GPT2: variants seen among roughly 807,000 people sequenced by gnomAD.
GPT2 encodes glutamic--pyruvic transaminase 2.
A neutral mutation model predicts 56.9 loss-of-function variants in GPT2; 30 were observed. That is an observed-to-expected ratio of 0.53 (90% CI 0.39 to 0.72). The LOEUF (loss-of-function observed/expected upper bound fraction) is 0.72. Among genes scored for constraint, GPT2 ranks in the 30% least tolerant of loss-of-function variants. GPT2 has a pLI of 0.00. For missense variants in GPT2, 542 were observed against 703.4 expected (o/e 0.77, Z 2.60); for synonymous variants, 271 against 283.1 (o/e 0.96, Z 0.43).
intron 8 of GPT2, 106 bp from the exon 9 acceptor site, chr16:46,922,136 C>T: frequency 9.8e-7 from 1 of 1,019,008 alleles, no homozygotes; most frequent in Middle Eastern, 2.1e-4. Context: ...CACACCTGGC[C>T]ATTTGGTGTT....
At chr16:46,926,731 A>G (rs1286670027) in intron 10 of GPT2, among the ~76,000 whole-genome samples, 194 bp from the exon 11 acceptor site, 1 of 152,238 alleles carries the variant, frequency 6.6e-6, no homozygotes, top group Admixed American at 6.5e-5. Context: ...GTCCTGCAGT[A>G]GTTTTCAGGT....
At chr16:46,908,394 G>A (rs1191920258) in intron 5 of GPT2, among the ~76,000 whole-genome samples, 8 of 152,226 alleles carry the variant, frequency 5.3e-5, no homozygotes, top group Admixed American at 3.9e-4. Flanking sequence ...GGGGTGGGGG[G>A]ACTGGTTGCC....
chr16:46,913,369 A>G (rs1428175128), intron 6 of GPT2, among the ~76,000 whole-genome samples: 1 of 152,234 alleles, frequency 6.6e-6, no homozygotes, highest in Non-Finnish European at 1.5e-5. Context: ...CATCACAAGC[A>G]TGGAAGGGCA....
chr16:46,892,507 A>G lies in GPT2; in HGVS notation c.244-5141A>G, dbSNP rs140926870. Among the ~76,000 whole-genome samples the G allele has an allele frequency of 3.5e-3, 536 of 152,320 alleles. 2 individuals carry two copies. Among genetic ancestry groups the G allele is most frequent in the African/African-American group, 0.012 (508 of 41,570 alleles). On this transcript the variant is annotated intron_variant, in intron 2 of 11. Coordinates refer to ENST00000340124, the MANE Select transcript of GPT2 (RefSeq NM_133443.4). The stretch of plus-strand genomic sequence containing the variant: ...ATTTTTAATTTTTCGAGGAACCTCC[A>G]TACTGTTTTCCATAATGGCTATACC...
chr16:46,887,482 CTGAT>C (rs1960506112), intron 2 of GPT2, among the ~76,000 whole-genome samples: 1 of 152,164 alleles, frequency 6.6e-6, no homozygotes, highest in Non-Finnish European at 1.5e-5. Flanking sequence ...CAAACAAAAA[CTGAT>C]TGGTTAGAGA....
Position 46,929,278 on chromosome 16 carries a change from T to C in GPT2, c.*281T>C. On this transcript the variant is annotated 3_prime_UTR_variant, in exon 12 of 12. Coordinates refer to ENST00000340124, the MANE Select transcript of GPT2 (RefSeq NM_133443.4). ...TGTTATTGTTTTTGCTTCTGGAAAG[T>C]TCATTTGGGGTTTACAACAACTAGG... 1 of 403,820 alleles carries C rather than the reference T, an allele frequency of 2.5e-6. No homozygotes were observed. The highest frequency in any genetic ancestry group is 4.6e-6 in the Non-Finnish European group (1 of 217,066). 25.0% of individuals were successfully genotyped at this position (403,820 alleles called of 1,614,324 possible).
At chr16:46,916,845 A>C in intron 7 of GPT2, 138 bp downstream of exon 7, 1 of 667,992 alleles carries the variant, frequency 1.5e-6, no homozygotes, top group Non-Finnish European at 2.7e-6. Context: ...GAGGATATTT[A>C]GTTTTACAAC....
At position 46,928,911 on chromosome 16, in the gene GPT2, A is replaced by G. The variant is rs1961473142; in HGVS notation, c.1486A>G (p.Thr496Ala). Reference sequence around the variant, plus strand: ...CACTGTTGTCTCTCCTGCCAGGATGACTATCCTCCCTCCAGTGGAGAAGCT... The same window carrying G: ...CACTGTTGTCTCTCCTGCCAGGATGGCTATCCTCCCTCCAGTGGAGAAGCT... Reference protein sequence around the residue: ...QREGTYHFRMTILPPVEKLKT... With the variant: ...QREGTYHFRMAILPPVEKLKT... The change falls in exon 12 of 12, where the codon ACT becomes GCT. Residue 496 changes from threonine (T) to alanine (A), a missense_variant. Coordinates refer to ENST00000340124, the MANE Select transcript of GPT2 (RefSeq NM_133443.4). 2 of 1,612,902 alleles carry G rather than the reference A, an allele frequency of 1.2e-6. No homozygotes were observed. Among genetic ancestry groups the G allele is most frequent in the Non-Finnish European group, 1.7e-6 (2 of 1,179,016 alleles).
chr16:46,897,256 C>T (rs922577965), intron 2 of GPT2, among the ~76,000 whole-genome samples: 2 of 152,032 alleles, frequency 1.3e-5, no homozygotes, highest in Admixed American at 6.6e-5. Context: ...GTCTGTAATC[C>T]CAGCTACTCG....
rs753675274 is a variant in GPT2 at position 46,928,885 on chromosome 16, A to AG, written c.1482-22_1482-21insG. 10 of 1,582,998 alleles carry AG rather than the reference A, an allele frequency of 6.3e-6. No individual in the cohort carries two copies. The African/African-American group carries it at 1.3e-4, about 21-fold the overall frequency. ...CCCATCTTGCAGAGCAGCCAGGCTG[A>AG]CACTGTTGTCTCTCCTGCCAGGATG... On this transcript the variant is annotated intron_variant, in intron 11 of 11. Transcript: ENST00000340124.
intron 5 of GPT2, among the ~76,000 whole-genome samples, chr16:46,909,079 TCCCATTTTAAGAGTC>T (rs1960992175): frequency 6.8e-6 from 1 of 146,308 alleles, no homozygotes; most frequent in African/African-American, 2.5e-5. Flanking sequence ...GGGTATTTTA[TCCCATTTTAAGAGTC>T]CCCTGTTGGG....
intron 2 of GPT2, among the ~76,000 whole-genome samples, chr16:46,895,226 T>C (rs200467055): frequency 1.3e-5 from 2 of 152,200 alleles, no homozygotes; most frequent in East Asian, 3.9e-4. Context: ...TGTTGTTGTT[T>C]TTAGGAGACA....
chr16:46,922,699 G>T (rs1442310316), intron 9 of GPT2, among the ~76,000 whole-genome samples: 2 of 152,266 alleles, frequency 1.3e-5, no homozygotes, highest in African/African-American at 4.8e-5. Context: ...GCTGTGTCCT[G>T]ATAACACACT....
chr16:46,917,823 A>T (rs890418874), intron 7 of GPT2, among the ~76,000 whole-genome samples: 1 of 152,126 alleles, frequency 6.6e-6, no homozygotes, highest in Admixed American at 6.6e-5. Flanking sequence ...TTAATAGTAG[A>T]TGGGCCTGAT....
At chr16:46,898,290 G>T (rs569227983) in intron 3 of GPT2, among the ~76,000 whole-genome samples, 1 of 152,202 alleles carries the variant, frequency 6.6e-6, no homozygotes, top group Non-Finnish European at 1.5e-5. Flanking sequence ...GACGGCCACT[G>T]TGAGCCGCTG....
chr16:46,914,176 C>T (rs138928103), intron 6 of GPT2, among the ~76,000 whole-genome samples: 8 of 152,308 alleles, frequency 5.3e-5, no homozygotes, highest in Admixed American at 6.5e-5. Context: ...TTTACTCCTT[C>T]CCTCACCTGT....
chr16:46,905,225 T>C (rs1960898497), intron 4 of GPT2, among the ~76,000 whole-genome samples: 1 of 152,106 alleles, frequency 6.6e-6, no homozygotes, highest in African/African-American at 2.4e-5. Context: ...CCTGGCTGAT[T>C]TTTTTTAGAG....
intron 2 of GPT2, chr16:46,885,587 C>T (rs922339916): frequency 2.0e-6 from 2 of 978,350 alleles, no homozygotes; most frequent in Admixed American, 6.2e-5. Context: ...GGTGGGGAAC[C>T]AGAGAGTTGG....
chr16:46,911,956 CTGATA>C (rs2143487332), intron 6 of GPT2, among the ~76,000 whole-genome samples: 1 of 152,308 alleles, frequency 6.6e-6, no homozygotes, highest in South Asian at 2.1e-4. Flanking sequence ...TTCTATTAAT[CTGATA>C]TATTGACATA....
Sources: allele counts gnomAD v4.1 joint callset (sites outside exome capture counted in the v4.1 genomes callset), GRCh38; gene constraint gnomAD v4.1.1; transcripts MANE v1.5; gene names NCBI Gene and HGNC (gene_info 2026-07-23, HGNC 2026-07-21).